The following C3orf49 variants were observed in gnomAD, a reference collection of about 807,000 sequenced individuals.
C3orf49 encodes putative uncharacterized protein C3orf49.
In C3orf49, 27 loss-of-function variants were observed where a neutral mutation model predicts 13.3. The ratio of observed to expected loss-of-function variants is 2.02; its 90% confidence interval spans 1.49 to 2.79. The LOEUF (loss-of-function observed/expected upper bound fraction) is 2.79, where lower values mean the gene tolerates loss of function less well. Among genes scored for constraint, C3orf49 ranks in the 30% most tolerant of loss-of-function variants. The pLI, the probability that C3orf49 is intolerant of heterozygous loss-of-function variation, is 0.00. For missense variants in C3orf49, 242 were observed against 134.2 expected, an observed-to-expected ratio of 1.80 and a Z score of -3.97; for synonymous variants, 87 against 47.6, an observed-to-expected ratio of 1.83 and a Z score of -3.40.
upstream of C3orf49, among the ~76,000 whole-genome samples, chr3:63,818,227 T>C (rs563897953): frequency 7.9e-5 from 12 of 152,306 alleles, no homozygotes; most frequent in African/African-American, 2.9e-4. Context: ...GCACTATGAG[T>C]TGTCCCACTT....
chr3:63,816,343 C>G (rs1701324102), upstream of C3orf49, among the ~76,000 whole-genome samples: 1 of 152,026 alleles, frequency 6.6e-6, no homozygotes, highest in South Asian at 2.1e-4. Flanking sequence ...GTAATCCCAG[C>G]ACTTTGGGAG....
chr3:63,785,753 G>A, the C3orf49 span, among the ~76,000 whole-genome samples: 2 of 151,982 alleles, frequency 1.3e-5, no homozygotes, highest in African/African-American at 4.8e-5. Context: ...GCTTCACTCT[G>A]AAAACAGGAT....
At chr3:63,844,970 T>A in intron 5 of C3orf49, 53 bp from the exon 6 acceptor site, 1 of 655,856 alleles carries the variant, frequency 1.5e-6, no homozygotes, top group Non-Finnish European at 2.8e-6. Flanking sequence ...TCTAGAATCA[T>A]AAATAAAGAC....
At chr3:63,809,619 C>T in the C3orf49 span, among the ~76,000 whole-genome samples, 1 of 152,140 alleles carries the variant, frequency 6.6e-6, no homozygotes, top group South Asian at 2.1e-4. Flanking sequence ...TTAGGCCCTT[C>T]GTTATCTATC....
chr3:63,834,168 A>G (rs1207793032), intron 5 of C3orf49: 1 of 1,613,996 alleles, frequency 6.2e-7, no homozygotes, highest in Non-Finnish European at 8.5e-7. Flanking sequence ...TTGCTTCCTG[A>G]GCTTCTTCTA....
chr3:63,787,092 T>C, the C3orf49 span: 2 of 152,356 alleles, frequency 1.3e-5, no homozygotes, highest in Admixed American at 1.3e-4. Flanking sequence ...CAAAATCTTT[T>C]GGAGAAATGA....
chr3:63,803,755 T>C, the C3orf49 span, among the ~76,000 whole-genome samples: 1 of 152,218 alleles, frequency 6.6e-6, no homozygotes, highest in Non-Finnish European at 1.5e-5. Flanking sequence ...ACTGGTTTCA[T>C]GGAAGACAAT....
the C3orf49 span, among the ~76,000 whole-genome samples, chr3:63,794,691 C>CT: frequency 7.0e-3 from 1,066 of 152,264 alleles, 8 homozygotes; most frequent in Non-Finnish European, 0.011. Flanking sequence ...AGGTACTTGT[C>CT]TGAGTTCTAG....
intron 5 of C3orf49, among the ~76,000 whole-genome samples, chr3:63,844,630 T>G (rs1051330158): frequency 1.3e-5 from 2 of 152,136 alleles, no homozygotes; most frequent in African/African-American, 4.8e-5. Context: ...GCAGCTATTG[T>G]GGAAATAGGT....
chr3:63,837,589 T>A (rs1341607879), intron 5 of C3orf49, among the ~76,000 whole-genome samples: 1 of 152,018 alleles, frequency 6.6e-6, no homozygotes, highest in Non-Finnish European at 1.5e-5. Flanking sequence ...GGAAAGTAGC[T>A]CTATTAAACA....
chr3:63,792,484 A>G, the C3orf49 span, among the ~76,000 whole-genome samples: 1 of 152,226 alleles, frequency 6.6e-6, no homozygotes, highest in Non-Finnish European at 1.5e-5. Flanking sequence ...CTAACATCAT[A>G]TCATATGACT....
At chr3:63,825,942 G>A (rs1701460476) in intron 2 of C3orf49, among the ~76,000 whole-genome samples, 1 of 152,228 alleles carries the variant, frequency 6.6e-6, no homozygotes, top group Non-Finnish European at 1.5e-5. Context: ...ATTGAGATCT[G>A]AAGGATGTCT....
At chr3:63,788,884 C>T in the C3orf49 span, among the ~76,000 whole-genome samples, 2 of 152,098 alleles carry the variant, frequency 1.3e-5, no homozygotes, top group Non-Finnish European at 2.9e-5. Flanking sequence ...TTCGGTTGAT[C>T]GACCCAGAGT....
At chr3:63,838,379 C>A in intron 5 of C3orf49, 1 of 1,513,526 alleles carries the variant, frequency 6.6e-7, no homozygotes, top group Non-Finnish European at 9.1e-7. Context: ...TACCTATTTC[C>A]TTGTAAATTT....
chr3:63,835,056 G>T, intron 5 of C3orf49: 1 of 1,181,354 alleles, frequency 8.5e-7, no homozygotes, highest in Non-Finnish European at 1.2e-6. Context: ...AGAAATTGAA[G>T]GTATACTGTC....
chr3:63,813,575 T>C, the C3orf49 span, among the ~76,000 whole-genome samples: 1 of 152,206 alleles, frequency 6.6e-6, no homozygotes, highest in African/African-American at 2.4e-5. Context: ...AGGCATGATT[T>C]AACTTGGAAG....
At position 63,819,542 on chromosome 3, in the gene C3orf49, G is replaced by A. The variant is rs1208736307; in HGVS notation, c.71G>A (p.Arg24Lys). The change falls in exon 1 of 7, where the codon AGA becomes AAA. Residue 24 changes from arginine (R) to lysine (K), a missense_variant. Transcript: ENST00000295896. ...TACAGAAAAGTTGGACAGTGCCGAA[G>A]ATTCCAGCAACTCAAGAAGAAAAAT... ...IAYRKVGQCRRFQQLKKKNGS... is the reference protein window; with the variant it reads ...IAYRKVGQCRKFQQLKKKNGS... 1 of 703,224 alleles carries A rather than the reference G, an allele frequency of 1.4e-6. No individual in the cohort carries two copies. The highest frequency in any genetic ancestry group is 2.6e-6 in the Non-Finnish European group (1 of 385,040). The allele number at this position is 703,224 out of a possible 1,614,324, so 43.6% of individuals were successfully genotyped here.
chr3:63,800,342 C>T, the C3orf49 span, among the ~76,000 whole-genome samples: 1 of 152,106 alleles, frequency 6.6e-6, no homozygotes, highest in African/African-American at 2.4e-5. Context: ...AAATGTACAA[C>T]AGATGTGCTT....
At chr3:63,837,569 T>G (rs754893044) in intron 5 of C3orf49, among the ~76,000 whole-genome samples, 2 of 151,974 alleles carry the variant, frequency 1.3e-5, no homozygotes, top group African/African-American at 4.8e-5. Flanking sequence ...TCTTTTCCAT[T>G]TCATTTTTTG....
Sources: gnomAD v4.1 joint callset for allele counts (sites outside exome capture counted in the v4.1 genomes callset) on GRCh38, gnomAD v4.1.1 for gene constraint, MANE v1.5 for transcripts, NCBI Gene and HGNC (gene_info 2026-07-23, HGNC 2026-07-21) for gene names.